SERPINB8: variants seen among roughly 807,000 people sequenced by gnomAD.
SERPINB8 encodes serpin family B member 8, also known as serpin B8.
SERPINB8 carries 25 observed loss-of-function variants against 35.3 expected under a neutral mutation model. The observed-to-expected ratio is 0.71, with a 90% CI of 0.52 to 0.99. The LOEUF (loss-of-function observed/expected upper bound fraction) is 0.99, where lower values mean the gene tolerates loss of function less well. Among genes scored for constraint, SERPINB8 ranks in the 50% least tolerant of loss-of-function variants. The probability of loss-of-function intolerance (pLI) is 0.00; values close to 1 mark genes in which losing one functional copy is unlikely to be tolerated. For synonymous variants in SERPINB8, 186 were observed against 160.8 expected (o/e 1.16, Z -1.19); for missense variants, 484 against 446.5 (o/e 1.08, Z -0.76).
At chr18:63,990,426 C>G (rs559942918), downstream of SERPINB8, among the ~76,000 whole-genome samples, 1 of 151,912 alleles carries the variant, frequency 6.6e-6, no homozygotes, top group Non-Finnish European at 1.5e-5. Flanking sequence ...GCTACCAAAT[C>G]TTTTATCATA....
downstream of SERPINB8, among the ~76,000 whole-genome samples, chr18:63,994,311 T>G (rs937847854): frequency 1.2e-4 from 19 of 152,266 alleles, no homozygotes; most frequent in Middle Eastern, 0.014. Flanking sequence ...CACCTGAAAG[T>G]ACTCACATAC....
intron 3 of SERPINB8, 25 bp downstream of exon 3, chr18:63,979,963 A>T (rs1176852826): frequency 6.2e-7 from 1 of 1,611,160 alleles, no homozygotes; most frequent in Admixed American, 1.7e-5. Flanking sequence ...CATATTGATG[A>T]CAAAGAAATT....
chr18:64,010,765 TGC>T, intron 7 of SERPINB8, among the ~76,000 whole-genome samples: 1 of 152,060 alleles, frequency 6.6e-6, no homozygotes, highest in East Asian at 1.9e-4. Context: ...TTTTTTAAGG[TGC>T]ATATATATGG....
At position 63,979,857 on chromosome 18, in the gene SERPINB8, T is replaced by C. The variant is rs753934863; in HGVS notation, c.225T>C (p.Ser75=). 3 of 1,614,114 alleles carry C rather than the reference T, an allele frequency of 1.9e-6. No homozygotes were observed. The highest frequency in any genetic ancestry group is 1.1e-5 in the South Asian group (1 of 91,080). ...ACCGAGGTTTCCAGTCACTTCTCAG[T>C]GAAGTTAACAGAACTGGCACTCAGT... ...DIHRGFQSLL[S]EVNRTGTQYL... The change falls in exon 3 of 7, where the codon AGT becomes AGC. Residue 75 remains serine, a synonymous_variant. Transcript: ENST00000397985.
At chr18:64,016,830 A>G (rs1442874693) in intron 7 of SERPINB8, among the ~76,000 whole-genome samples, 5 of 152,322 alleles carry the variant, frequency 3.3e-5, no homozygotes, top group Middle Eastern at 3.4e-3. Flanking sequence ...CTCATTTTCC[A>G]TGATATGTTC....
Position 63,971,730 on chromosome 18 carries a change from A to G in SERPINB8, c.-11+1560A>G, listed in dbSNP as rs147989149. ...GCCGGGTTATCTTTCTAAAGCCCCA[A>G]TGCACTCATATGAGACGTTTGTTTA... On this transcript the variant is annotated intron_variant, in intron 1 of 6. Coordinates refer to ENST00000397985, the MANE Select transcript of SERPINB8 (RefSeq NM_002640.4). Among the ~76,000 whole-genome samples the G allele has an allele frequency of 7.3e-3, 1,107 of 152,294 alleles. 20 individuals carry two copies. The highest frequency in any genetic ancestry group is 0.025 in the African/African-American group (1,032 of 41,574).
chr18:63,973,239 C>T (rs1291556990), intron 1 of SERPINB8, among the ~76,000 whole-genome samples: 1 of 152,194 alleles, frequency 6.6e-6, no homozygotes, highest in Non-Finnish European at 1.5e-5. Flanking sequence ...CTCTGATGAC[C>T]AGTGATGATG....
chr18:63,993,201 A>G (rs1360745204), downstream of SERPINB8, among the ~76,000 whole-genome samples: 2 of 152,240 alleles, frequency 1.3e-5, no homozygotes, highest in African/African-American at 4.8e-5. Flanking sequence ...GTTTACCACC[A>G]TAAAAAATTT....
downstream of SERPINB8, among the ~76,000 whole-genome samples, chr18:63,990,071 G>GTTTTTTTTTTTT (rs747683579): frequency 8.6e-6 from 1 of 116,076 alleles, no homozygotes; most frequent in Non-Finnish European, 1.8e-5. Context: ...TTGTTTTCGT[G>GTTTTTTTTTTTT]TTTTTTTTTT....
chr18:63,986,568 A>T, intron 6 of SERPINB8: 1 of 1,317,122 alleles, frequency 7.6e-7, no homozygotes, highest in South Asian at 2.3e-5. Context: ...AATTGGTTAG[A>T]ATTTTCTAAA....
chr18:64,003,776 C>CA (rs2050887458), intron 1 of SERPINB8, among the ~76,000 whole-genome samples: 1 of 152,098 alleles, frequency 6.6e-6, no homozygotes, highest in Non-Finnish European at 1.5e-5. Context: ...TCCTCTTACT[C>CA]AGACATTTTG....
At chr18:64,005,557 A>C (rs1412792013) in exon 2 of SERPINB8, 1 of 152,254 alleles carries the variant, frequency 6.6e-6, no homozygotes, top group Non-Finnish European at 1.5e-5. Flanking sequence ...GGTGCCATCT[A>C]TAAAGCAGAG....
Position 63,987,543 on chromosome 18 carries a change from G to C in SERPINB8, c.*265G>C. On this transcript the variant is annotated 3_prime_UTR_variant, in exon 7 of 7. Coordinates refer to ENST00000397985, the MANE Select transcript of SERPINB8 (RefSeq NM_002640.4). ...TGCCTCTGCCTTCACCTAAGTCTGT[G>C]CCCATTGTTTCAGGGGATCTTATGG... 2.4e-6 allele frequency: 1 copy of C among 417,286 alleles called. No homozygotes were observed. Among genetic ancestry groups the C allele is most frequent in the Non-Finnish European group, 4.3e-6 (1 of 233,338 alleles). 25.8% of individuals were successfully genotyped at this position (417,286 alleles called of 1,614,324 possible).
At chr18:63,994,837 AAG>A (rs1459231549) in intron 1 of SERPINB8, among the ~76,000 whole-genome samples, 3 of 152,152 alleles carry the variant, frequency 2.0e-5, no homozygotes, top group African/African-American at 7.2e-5. Context: ...GCTGGTTATC[AAG>A]CCCAGGTAAA....
intron 3 of SERPINB8, 89 bp from the exon 4 acceptor site, chr18:63,981,631 TG>T: frequency 1.2e-6 from 1 of 859,130 alleles, no homozygotes; most frequent in East Asian, 2.4e-5. Context: ...AAGCACTTAT[TG>T]TAGAAATGCA....
chr18:63,978,363 T>C lies in SERPINB8; in HGVS notation c.55T>C (p.Leu19=). Residue 19 remains leucine (L), a synonymous_variant, in exon 2 of 7, where the codon TTG becomes CTG. Coordinates refer to ENST00000397985, the MANE Select transcript of SERPINB8 (RefSeq NM_002640.4). ...TTTTGCCATCAGCTTATTTAAAATA[T>C]TGGGGGAAGAGGACAACTCAAGAAA... ...GTFAISLFKI[L]GEEDNSRNVF... 29 of 1,614,186 alleles carry C rather than the reference T, an allele frequency of 1.8e-5. No homozygotes were observed. Among genetic ancestry groups the C allele is most frequent in the Non-Finnish European group, 2.5e-5 (29 of 1,180,022 alleles).
downstream of SERPINB8, among the ~76,000 whole-genome samples, chr18:64,007,656 A>G (rs1486213619): frequency 6.6e-6 from 1 of 152,224 alleles, no homozygotes; most frequent in African/African-American, 2.4e-5. Context: ...AAAGGTGAAG[A>G]GGAAGCAGGC....
At chr18:63,992,766 A>G (rs1474854159), downstream of SERPINB8, among the ~76,000 whole-genome samples, 1 of 151,902 alleles carries the variant, frequency 6.6e-6, no homozygotes, top group Non-Finnish European at 1.5e-5. Context: ...GGTCGGGGGC[A>G]CCTTGCCTCT....
intron 7 of SERPINB8, among the ~76,000 whole-genome samples, chr18:64,014,885 A>G (rs924130202): frequency 3.3e-5 from 5 of 152,218 alleles, no homozygotes; most frequent in Non-Finnish European, 5.9e-5. Context: ...CTGAAAGGCT[A>G]GCAATCTGAA....
Sources: gnomAD v4.1 joint callset for allele counts (sites outside exome capture counted in the v4.1 genomes callset) on GRCh38, gnomAD v4.1.1 for gene constraint, MANE v1.5 for transcripts, NCBI Gene and HGNC (gene_info 2026-07-23, HGNC 2026-07-21) for gene names.